Variants in PPP1R9A observed in about 807,000 individuals in gnomAD.
PPP1R9A encodes protein phosphatase 1 regulatory subunit 9A, also known as neurabin-1.
Under a neutral mutation model 141.9 loss-of-function variants are expected in PPP1R9A, and 59 were observed. The ratio of observed to expected loss-of-function variants is 0.42; its 90% CI spans 0.34 to 0.52. PPP1R9A has a LOEUF of 0.52. Among genes scored for constraint, PPP1R9A ranks in the 20% least tolerant of loss-of-function variants. The probability of loss-of-function intolerance (pLI) is 0.10; values close to 1 mark genes in which losing one functional copy is unlikely to be tolerated. For missense variants in PPP1R9A, 1,444 were observed against 1,611.9 expected, an observed-to-expected ratio of 0.90 and a Z score of 1.78; for synonymous variants, 500 against 569.7, an observed-to-expected ratio of 0.88 and a Z score of 1.74.
chr7:95,192,713 A>G (rs1325504539), intron 5 of PPP1R9A, among the ~76,000 whole-genome samples: 2 of 152,032 alleles, frequency 1.3e-5, no homozygotes, highest in Non-Finnish European at 2.9e-5. Context: ...AGTTTGGTGG[A>G]TTTGTCCCAT....
At chr7:95,171,963 G>C (rs1488316482) in intron 5 of PPP1R9A, among the ~76,000 whole-genome samples, 1 of 151,464 alleles carries the variant, frequency 6.6e-6, no homozygotes, top group Non-Finnish European at 1.5e-5. Context: ...TTGAATGTAT[G>C]GTTGATTTAA....
chr7:94,935,249 G>A (rs189466944), intron 2 of PPP1R9A, among the ~76,000 whole-genome samples: 60 of 152,220 alleles, frequency 3.9e-4, no homozygotes, highest in African/African-American at 1.3e-3. Flanking sequence ...AGATTGCAGG[G>A]CTAAGCTACT....
chr7:95,037,999 C>T (rs1808689672), intron 2 of PPP1R9A, among the ~76,000 whole-genome samples: 2 of 150,386 alleles, frequency 1.3e-5, no homozygotes, highest in South Asian at 4.2e-4. Flanking sequence ...GTAATCCCAG[C>T]TACTCAGAAG....
At chr7:94,999,227 A>G (rs1229915876) in intron 2 of PPP1R9A, among the ~76,000 whole-genome samples, 1 of 152,210 alleles carries the variant, frequency 6.6e-6, no homozygotes, top group Admixed American at 6.5e-5. Flanking sequence ...GGGAATGTCA[A>G]CAGCTTTCAC....
intron 12 of PPP1R9A, among the ~76,000 whole-genome samples, chr7:95,263,569 G>A (rs1431003269): frequency 6.6e-6 from 1 of 151,938 alleles, no homozygotes; most frequent in African/African-American, 2.4e-5. Context: ...GATTACAGGT[G>A]CACGCCATCA....
intron 4 of PPP1R9A, among the ~76,000 whole-genome samples, chr7:95,154,495 T>G (rs1829264155): frequency 6.6e-6 from 1 of 152,164 alleles, no homozygotes; most frequent in Admixed American, 6.5e-5. Flanking sequence ...ATTAAAATCT[T>G]TCTAAGCTGC....
At chr7:95,212,396 TAAAG>T (rs1792319565) in intron 7 of PPP1R9A, among the ~76,000 whole-genome samples, 1 of 152,108 alleles carries the variant, frequency 6.6e-6, no homozygotes, top group African/African-American at 2.4e-5. Flanking sequence ...TATATGTATT[TAAAG>T]AAAGACCACC....
chr7:95,024,111 C>T (rs1222292278), intron 2 of PPP1R9A, among the ~76,000 whole-genome samples: 1 of 152,122 alleles, frequency 6.6e-6, no homozygotes, highest in Admixed American at 6.5e-5. Context: ...GTTTCTTAAT[C>T]CTGAGTTCTA....
chr7:95,207,941 AGT>A (rs1791198593), intron 7 of PPP1R9A, among the ~76,000 whole-genome samples: 1 of 152,188 alleles, frequency 6.6e-6, no homozygotes, highest in Admixed American at 6.5e-5. Context: ...TACCAAAGAA[AGT>A]GTATAAAATA....
chr7:95,063,463 T>C (rs67914831), intron 2 of PPP1R9A, among the ~76,000 whole-genome samples: 10,378 of 152,048 alleles, frequency 0.068, 502 homozygotes, highest in Non-Finnish European at 0.11. Context: ...TACTTGGGAA[T>C]TTGAGACAAG....
chr7:95,133,495 A>T (rs1825029300), intron 4 of PPP1R9A, among the ~76,000 whole-genome samples: 1 of 136,892 alleles, frequency 7.3e-6, no homozygotes, highest in South Asian at 2.4e-4. Context: ...GACTTTAAGG[A>T]TATATTATGC....
At position 95,194,762 on chromosome 7, in the gene PPP1R9A, A is replaced by G. The variant is rs115865264; in HGVS notation, c.1755-3587A>G. Among the ~76,000 whole-genome samples, 880 of 152,122 alleles carry G rather than the reference A, an allele frequency of 5.8e-3. 10 individuals are homozygous for G. The highest frequency in any genetic ancestry group is 0.02 in the African/African-American group (838 of 41,550). On this transcript the variant is annotated intron_variant, in intron 5 of 19. Transcript: ENST00000433360. ...GAAATACTTAGAGGTAAATTTAACA[A>G]ACATTTTTTAAGACCTATATACTGA...
chr7:95,006,193 CTTATTTATTTATTTAT>C (rs71125097), intron 2 of PPP1R9A, among the ~76,000 whole-genome samples: 55 of 146,316 alleles, frequency 3.8e-4, no homozygotes, highest in Admixed American at 1.6e-3. Flanking sequence ...ATCTTAAGAA[CTTATTTATTTATTTAT>C]TTATTTATTT....
chr7:95,146,817 T>A (rs1563309888), intron 4 of PPP1R9A, among the ~76,000 whole-genome samples: 1 of 152,090 alleles, frequency 6.6e-6, no homozygotes, highest in Non-Finnish European at 1.5e-5. Context: ...AGATGTGTGG[T>A]GTTGTTTCTG....
intron 2 of PPP1R9A, among the ~76,000 whole-genome samples, chr7:95,108,287 TTTTCTTTTTCG>T (rs1819867723): frequency 6.8e-6 from 1 of 147,802 alleles, no homozygotes; most frequent in African/African-American, 2.5e-5. Flanking sequence ...TTTTCTTTTC[TTTTCTTTTTCG>T]TTTCTTTTCT....
chr7:95,202,272 G>C (rs930260030), intron 6 of PPP1R9A, among the ~76,000 whole-genome samples: 2 of 151,618 alleles, frequency 1.3e-5, no homozygotes, highest in African/African-American at 4.8e-5. Flanking sequence ...TACATCTTTA[G>C]AAGGGTTTAA....
intron 2 of PPP1R9A, among the ~76,000 whole-genome samples, chr7:95,106,571 G>T (rs1819544182): frequency 6.6e-6 from 1 of 152,094 alleles, no homozygotes; most frequent in Non-Finnish European, 1.5e-5. Context: ...TTCTCTACTG[G>T]TGGACAATTA....
intron 2 of PPP1R9A, among the ~76,000 whole-genome samples, chr7:95,101,349 G>T (rs1254225260): frequency 2.0e-5 from 3 of 152,138 alleles, no homozygotes; most frequent in Non-Finnish European, 4.4e-5. Context: ...ATTACTAAAT[G>T]ATCCTAATAT....
chr7:94,926,306 AGG>A (rs1793481855), intron 2 of PPP1R9A, among the ~76,000 whole-genome samples: 1 of 152,156 alleles, frequency 6.6e-6, no homozygotes, highest in Non-Finnish European at 1.5e-5. Flanking sequence ...TTGCCCTGTA[AGG>A]TAATGACAGT....
Sources: gnomAD v4.1 joint callset for allele counts (sites outside exome capture counted in the v4.1 genomes callset) on GRCh38, gnomAD v4.1.1 for gene constraint, MANE v1.5 for transcripts, NCBI Gene and HGNC (gene_info 2026-07-23, HGNC 2026-07-21) for gene names.